Variants in PLEKHF2 observed in about 807,000 individuals in gnomAD.
PLEKHF2 encodes the protein pleckstrin homology and FYVE domain containing 2, also known as pleckstrin homology domain-containing family F member 2.
PLEKHF2 carries 4 observed loss-of-function variants against 14.7 expected under a neutral mutation model. The ratio of observed to expected loss-of-function variants is 0.27; its 90% CI spans 0.13 to 0.62. PLEKHF2 has a LOEUF of 0.62. PLEKHF2 is among the 20% of genes least tolerant of loss of function. The probability of loss-of-function intolerance (pLI) is 0.85; values close to 1 mark genes in which losing one functional copy is unlikely to be tolerated. For synonymous variants in PLEKHF2, 90 were observed against 103.5 expected, an observed-to-expected ratio of 0.87 and a Z score of 0.79; for missense variants, 201 against 307.7, an observed-to-expected ratio of 0.65 and a Z score of 2.60.
At chr8:95,151,152 G>A (rs1810558094) in intron 1 of PLEKHF2, among the ~76,000 whole-genome samples, 2 of 151,992 alleles carry the variant, frequency 1.3e-5, no homozygotes, top group Non-Finnish European at 2.9e-5. Context: ...TTCTTTGGGG[G>A]ACAATAAAAA....
intron 1 of PLEKHF2, among the ~76,000 whole-genome samples, chr8:95,152,570 G>T (rs1810575120): frequency 6.6e-6 from 1 of 151,802 alleles, no homozygotes; most frequent in Non-Finnish European, 1.5e-5. Flanking sequence ...TGATGTACTT[G>T]TGCATAGGAT....
intron 1 of PLEKHF2, among the ~76,000 whole-genome samples, chr8:95,138,813 C>T (rs1810407182): frequency 6.6e-6 from 1 of 152,096 alleles, no homozygotes; most frequent in East Asian, 1.9e-4. Context: ...ATTTAGTCTC[C>T]TATTGTTAAA....
chr8:95,153,173 A>C (rs1810580390), intron 1 of PLEKHF2, among the ~76,000 whole-genome samples: 1 of 152,168 alleles, frequency 6.6e-6, no homozygotes. Context: ...AAGTGAAGCT[A>C]GAATATACAT....
chr8:95,141,135 T>C (rs1197237383), intron 1 of PLEKHF2, among the ~76,000 whole-genome samples: 1 of 152,210 alleles, frequency 6.6e-6, no homozygotes, highest in East Asian at 1.9e-4. Flanking sequence ...CTACTTGAAA[T>C]TCATTAAAAA....
chr8:95,135,402 T>C (rs1469801360), intron 1 of PLEKHF2, among the ~76,000 whole-genome samples: 1 of 152,178 alleles, frequency 6.6e-6, no homozygotes, highest in Non-Finnish European at 1.5e-5. Context: ...CTCTTTTTCC[T>C]TCCTTCCTTT....
chr8:95,138,051 C>G (rs986289838), intron 1 of PLEKHF2, among the ~76,000 whole-genome samples: 1 of 152,132 alleles, frequency 6.6e-6, no homozygotes, highest in African/African-American at 2.4e-5. Flanking sequence ...CCCTCCTCTC[C>G]TTGACCTTTG....
intron 1 of PLEKHF2, among the ~76,000 whole-genome samples, chr8:95,148,366 A>G (rs1810523914): frequency 6.6e-6 from 1 of 152,064 alleles, no homozygotes; most frequent in South Asian, 2.1e-4. Context: ...TGTGAAGCTA[A>G]GGTTGAGAAG....
chr8:95,154,593 T>C lies in PLEKHF2; in HGVS notation c.549T>C (p.Cys183=). The change falls in exon 2 of 2, where the codon TGT becomes TGC. Residue 183 remains cysteine, a synonymous_variant. Coordinates refer to ENST00000315367, the MANE Select transcript of PLEKHF2 (RefSeq NM_024613.4). This position sits in a 1 kb window ranked among gnomAD's most constrained non-coding sequence, Gnocchi z 5.6. ...GCCGCAAATGTGGTTTTGTTGTCTG[T>C]GGGCCCTGCTCTGAAAAGAGATTTC... The part of the protein sequence containing the change: ...HHCRKCGFVV[C]GPCSEKRFLL... The C allele has an allele frequency of 6.2e-7, 1 of 1,614,152 alleles. No individual in the cohort carries two copies. Among genetic ancestry groups the C allele is most frequent in the Non-Finnish European group, 8.5e-7 (1 of 1,180,008 alleles).
rs1232367293 is a variant in PLEKHF2 at position 95,133,921 on chromosome 8, C to G, written c.-124C>G. On this transcript the variant is annotated 5_prime_UTR_variant, in exon 1 of 2. Coordinates refer to ENST00000315367, the MANE Select transcript of PLEKHF2 (RefSeq NM_024613.4). ...GCGCGGGGCTGCGGACAGCACACAC[C>G]CTGGAAGGCCCCGGCGGGGAACGGG... The G allele has an allele frequency of 1.3e-5, 2 of 151,834 alleles. No homozygotes were observed. Among genetic ancestry groups the G allele is most frequent in the Admixed American group, 1.3e-4 (2 of 15,244 alleles). The allele number at this position is 151,834 out of a possible 1,614,324, so 9.4% of individuals were successfully genotyped here.
intron 1 of PLEKHF2, among the ~76,000 whole-genome samples, chr8:95,144,594 C>T (rs182035857): frequency 4.6e-5 from 7 of 152,140 alleles, no homozygotes; most frequent in Admixed American, 2.6e-4. Flanking sequence ...TGGGTGGGCA[C>T]GGTGGCTCAC....
At chr8:95,138,122 C>T (rs184405178) in intron 1 of PLEKHF2, among the ~76,000 whole-genome samples, 3 of 152,260 alleles carry the variant, frequency 2.0e-5, no homozygotes, top group Non-Finnish European at 4.4e-5. Flanking sequence ...CCCAAAGTCA[C>T]GCTTTTGGTG....
intron 1 of PLEKHF2, among the ~76,000 whole-genome samples, chr8:95,136,493 C>T (rs958278766): frequency 2.0e-5 from 3 of 152,022 alleles, no homozygotes; most frequent in African/African-American, 7.2e-5. Context: ...AGTATAATTA[C>T]TGATGTATGA....
At chr8:95,149,231 C>T (rs1810533071) in intron 1 of PLEKHF2, among the ~76,000 whole-genome samples, 4 of 152,142 alleles carry the variant, frequency 2.6e-5, no homozygotes, top group African/African-American at 9.7e-5. Context: ...CTTTGCATGG[C>T]TGACTCCTCA....
At position 95,154,464 on chromosome 8, in the gene PLEKHF2, A is replaced by C; in HGVS notation, c.420A>C (p.Thr140=). 6.2e-7 allele frequency: 1 copy of C among 1,614,096 alleles called. No homozygotes were observed. The highest frequency in any genetic ancestry group is 8.5e-7 in the Non-Finnish European group (1 of 1,179,954). ...VTDLLSKSGK[T]PSNEHAAVWV... ...ATTTACTCTCCAAAAGTGGGAAGAC[A>C]CCCAGTAATGAACATGCTGCTGTCT... The change falls in exon 2 of 2, where the codon ACA becomes ACC. Residue 140 remains threonine (T), a synonymous_variant. Coordinates refer to ENST00000315367, the MANE Select transcript of PLEKHF2 (RefSeq NM_024613.4). The surrounding 1 kb of genome is among the most constrained non-coding windows in gnomAD (Gnocchi z 5.6).
intron 1 of PLEKHF2, among the ~76,000 whole-genome samples, chr8:95,136,920 G>A (rs777969555): frequency 1.3e-5 from 2 of 152,140 alleles, no homozygotes; most frequent in African/African-American, 2.4e-5. Context: ...TATAGAATTC[G>A]GGGTTTATTT....
At chr8:95,153,309 G>C (rs992343654) in intron 1 of PLEKHF2, among the ~76,000 whole-genome samples, 3 of 152,180 alleles carry the variant, frequency 2.0e-5, no homozygotes, top group African/African-American at 7.2e-5. Context: ...GCAGTAGTAA[G>C]TAGTAAAAGG....
intron 1 of PLEKHF2, among the ~76,000 whole-genome samples, chr8:95,136,842 A>C (rs1462835864): frequency 1.3e-5 from 2 of 152,350 alleles, no homozygotes; most frequent in East Asian, 3.8e-4. Context: ...TCATGGATAC[A>C]CTTTCACAGT....
chr8:95,141,050 C>G (rs1392898660), intron 1 of PLEKHF2, among the ~76,000 whole-genome samples: 1 of 152,156 alleles, frequency 6.6e-6, no homozygotes, highest in South Asian at 2.1e-4. Context: ...TTCTCTTCCT[C>G]AGAGGTTTTC....
intron 1 of PLEKHF2, among the ~76,000 whole-genome samples, chr8:95,136,063 G>A (rs763699615): frequency 5.3e-5 from 8 of 151,932 alleles, no homozygotes; most frequent in South Asian, 2.1e-4. Flanking sequence ...TGTAAATATC[G>A]CATAGATTCT....
Sources: gnomAD v4.1 joint callset for allele counts (sites outside exome capture counted in the v4.1 genomes callset) on GRCh38, gnomAD v4.1.1 for gene constraint, Gnocchi (gnomAD v3.1) non-coding constraint, MANE v1.5 for transcripts, NCBI Gene and HGNC (gene_info 2026-07-23, HGNC 2026-07-21) for gene names.